The following SPMIP6 variants were observed in gnomAD, a reference collection of about 807,000 sequenced individuals.
The protein encoded by SPMIP6 is sperm microtubule inner protein 6.
chr9:34,379,272 C>A, the SPMIP6 span: 1 of 798,816 alleles, frequency 1.3e-6, no homozygotes. This position sits in a 1 kb window ranked among gnomAD's most constrained non-coding sequence, Gnocchi z 4.2. Flanking sequence ...TATCCCTACA[C>A]TTTGTCTATA....
At chr9:34,380,870 G>A in the SPMIP6 span, 2 of 1,500,302 alleles carry the variant, frequency 1.3e-6, no homozygotes, top group Non-Finnish European at 1.8e-6. Context: ...GGTGGAGCCC[G>A]GCTGAGGCGG....
the SPMIP6 span, chr9:34,381,311 C>T: frequency 6.2e-6 from 10 of 1,610,432 alleles, no homozygotes; most frequent in Non-Finnish European, 8.5e-6. This position sits in a 1 kb window ranked among gnomAD's most constrained non-coding sequence, Gnocchi z 4.4. Context: ...CGCCCTCCTC[C>T]CGGCCTTCCC....
the SPMIP6 span, among the ~76,000 whole-genome samples, chr9:34,384,063 G>A: frequency 2.6e-5 from 4 of 152,326 alleles, no homozygotes; most frequent in South Asian, 6.2e-4. Context: ...ATACATATGC[G>A]ACACGGTGTG....
the SPMIP6 span, chr9:34,380,851 C>T: frequency 6.6e-7 from 1 of 1,525,664 alleles, no homozygotes; most frequent in Non-Finnish European, 8.8e-7. Context: ...TGGGGCGGGG[C>T]TTGTGTGGGG....
chr9:34,385,618 G>A, the SPMIP6 span: 1 of 1,607,916 alleles, frequency 6.2e-7, no homozygotes, highest in Non-Finnish European at 8.5e-7. Flanking sequence ...TTAGGGGTCA[G>A]CAAAGGGTGA....
At chr9:34,379,623 G>A in the SPMIP6 span, 8 of 1,605,470 alleles carry the variant, frequency 5.0e-6, no homozygotes, top group Non-Finnish European at 6.0e-6. The surrounding 1 kb of genome is among the most constrained non-coding windows in gnomAD (Gnocchi z 4.2). Context: ...GTGTGCAAAT[G>A]AGTGTGTGCG....
the SPMIP6 span, among the ~76,000 whole-genome samples, chr9:34,394,406 C>T: frequency 1.6e-4 from 25 of 152,262 alleles, no homozygotes; most frequent in Non-Finnish European, 2.5e-4. Context: ...CCACCCACCT[C>T]GGCCTCCCAA....
chr9:34,385,683 T>A, the SPMIP6 span: 1 of 1,613,772 alleles, frequency 6.2e-7, no homozygotes, highest in African/African-American at 1.3e-5. Flanking sequence ...AGGGGTGGCC[T>A]GATATGGACC....
At chr9:34,381,045 G>T in the SPMIP6 span, 3 of 1,611,914 alleles carry the variant, frequency 1.9e-6, no homozygotes, top group Non-Finnish European at 2.5e-6. This position sits in a 1 kb window ranked among gnomAD's most constrained non-coding sequence, Gnocchi z 4.4. Flanking sequence ...CCGGGCAGCG[G>T]GTCCACGCAC....
At chr9:34,385,065 A>C in the SPMIP6 span, among the ~76,000 whole-genome samples, 1 of 152,050 alleles carries the variant, frequency 6.6e-6, no homozygotes, top group Non-Finnish European at 1.5e-5. Flanking sequence ...TCCTTTCTCC[A>C]ACTCGCTAAG....
the SPMIP6 span, among the ~76,000 whole-genome samples, chr9:34,392,726 G>T: frequency 6.6e-6 from 1 of 152,294 alleles, no homozygotes; most frequent in South Asian, 2.1e-4. The surrounding 1 kb of genome is among the most constrained non-coding windows in gnomAD (Gnocchi z 4.6). Flanking sequence ...CATGAAGTGG[G>T]GAAGAGCAAG....
At chr9:34,385,567 A>G in the SPMIP6 span, 128 of 670,534 alleles carry the variant, frequency 1.9e-4, no homozygotes, top group Admixed American at 3.5e-4. Flanking sequence ...AAAAGGATAG[A>G]GGTCACGATC....
chr9:34,379,267 C>CT, the SPMIP6 span: 1 of 826,886 alleles, frequency 1.2e-6, no homozygotes, highest in Non-Finnish European at 2.1e-6. The surrounding 1 kb of genome is among the most constrained non-coding windows in gnomAD (Gnocchi z 4.2). Flanking sequence ...AACCTTATCC[C>CT]TACACTTTGT....
At chr9:34,379,986 C>T in the SPMIP6 span, among the ~76,000 whole-genome samples, 2 of 152,138 alleles carry the variant, frequency 1.3e-5, no homozygotes, top group East Asian at 3.9e-4. This position sits in a 1 kb window ranked among gnomAD's most constrained non-coding sequence, Gnocchi z 4.2. Flanking sequence ...GGTCGGGCTC[C>T]GGGCGTTGAG....
At chr9:34,380,993 C>A in the SPMIP6 span, 5 of 1,609,590 alleles carry the variant, frequency 3.1e-6, no homozygotes, top group Admixed American at 1.7e-5. Context: ...ACAGTAGTGG[C>A]GGCCCGAGCA....
At chr9:34,381,281 C>G in the SPMIP6 span, 1 of 1,599,886 alleles carries the variant, frequency 6.3e-7, no homozygotes, top group Non-Finnish European at 8.5e-7. This position sits in a 1 kb window ranked among gnomAD's most constrained non-coding sequence, Gnocchi z 4.4. Context: ...GCCTCCTCCC[C>G]GTCCTTCAGG....
the SPMIP6 span, among the ~76,000 whole-genome samples, chr9:34,380,204 C>T: frequency 1.3e-5 from 2 of 152,330 alleles, no homozygotes; most frequent in African/African-American, 2.4e-5. Context: ...GCACAGCTCT[C>T]TGGGCTACCG....
chr9:34,382,666 A>G, the SPMIP6 span: 1 of 831,786 alleles, frequency 1.2e-6, no homozygotes, highest in Non-Finnish European at 2.1e-6. Flanking sequence ...TGAGGACCTA[A>G]TGGTGAAATA....
the SPMIP6 span, among the ~76,000 whole-genome samples, chr9:34,393,452 G>A: frequency 6.6e-6 from 1 of 152,118 alleles, no homozygotes; most frequent in East Asian, 1.9e-4. Context: ...TTGTTTTCCT[G>A]TAAATGTCTT....
Sources: allele counts gnomAD v4.1 joint callset (sites outside exome capture counted in the v4.1 genomes callset), GRCh38; gene constraint gnomAD v4.1.1; non-coding constraint Gnocchi (gnomAD v3.1); transcripts MANE v1.5; gene names NCBI Gene and HGNC (gene_info 2026-07-23, HGNC 2026-07-21).